Variants in CAMSAP2 observed in about 807,000 individuals in gnomAD.
CAMSAP2 encodes the protein calmodulin-regulated spectrin-associated protein 2.
A neutral mutation model predicts 146.1 loss-of-function variants in CAMSAP2; 26 were observed. That is an observed-to-expected ratio of 0.18 (90% confidence interval 0.13 to 0.25). CAMSAP2 has a LOEUF of 0.25. Among genes scored for constraint, CAMSAP2 ranks in the 10% least tolerant of loss-of-function variants. CAMSAP2 has a pLI of 1.00. For synonymous variants in CAMSAP2, 499 were observed against 596.6 expected, an observed-to-expected ratio of 0.84 and a Z score of 2.38; for missense variants, 1,381 against 1,759.3, an observed-to-expected ratio of 0.78 and a Z score of 3.85.
intron 4 of CAMSAP2, among the ~76,000 whole-genome samples, chr1:200,821,228 G>A (rs1177868724): frequency 6.6e-6 from 1 of 150,894 alleles, no homozygotes; most frequent in Admixed American, 6.6e-5. Context: ...TATTGCCCAG[G>A]CTGGAATGAA....
At chr1:200,749,424 T>C (rs1356061828) in intron 1 of CAMSAP2, among the ~76,000 whole-genome samples, 2 of 142,394 alleles carry the variant, frequency 1.4e-5, no homozygotes, top group African/African-American at 5.4e-5. Context: ...AATATCATGC[T>C]CATGTGTTCA....
At position 200,858,189 on chromosome 1, in the gene CAMSAP2, T is replaced by A; in HGVS notation, c.*130T>A. The A allele has an allele frequency of 1.3e-6, 1 of 776,270 alleles. No individual in the cohort carries two copies. Among genetic ancestry groups the A allele is most frequent in the East Asian group, 2.7e-5 (1 of 37,256 alleles). 48.1% of individuals were successfully genotyped at this position (776,270 alleles called of 1,614,324 possible). A position where few individuals can be genotyped will look rare whatever the true frequency, so the allele number is the denominator to read the frequency against. On this transcript the variant is annotated 3_prime_UTR_variant, in exon 17 of 17. Coordinates refer to ENST00000358823, the MANE Select transcript of CAMSAP2 (RefSeq NM_203459.4). ...AACTGGACATTAAGCTCTGTTGTCA[T>A]GAACAACTGGAATGTAAACCACAGT...
intron 2 of CAMSAP2, among the ~76,000 whole-genome samples, chr1:200,802,850 T>C (rs888974652): frequency 1.3e-5 from 2 of 152,202 alleles, no homozygotes; most frequent in Non-Finnish European, 2.9e-5. Flanking sequence ...TTATTTTTGC[T>C]TAGACTCCAC....
intron 2 of CAMSAP2, among the ~76,000 whole-genome samples, chr1:200,782,852 A>G (rs1383957622): frequency 1.6e-5 from 2 of 128,242 alleles, no homozygotes; most frequent in Non-Finnish European, 3.1e-5. Flanking sequence ...GTACAGTGGC[A>G]GTGGCTTGAT....
intron 4 of CAMSAP2, among the ~76,000 whole-genome samples, chr1:200,821,181 C>CTTTT (rs1004489840): frequency 7.4e-4 from 109 of 148,074 alleles, no homozygotes; most frequent in African/African-American, 2.6e-3. Flanking sequence ...TCTTCTTCTT[C>CTTTT]TTTTTTTTTT....
chr1:200,746,167 A>C (rs1266239081), intron 1 of CAMSAP2, among the ~76,000 whole-genome samples: 1 of 152,238 alleles, frequency 6.6e-6, no homozygotes, highest in African/African-American at 2.4e-5. Context: ...ATATTTTACC[A>C]CAATTTTTAA....
chr1:200,851,031 T>C (rs1260633667), intron 11 of CAMSAP2, among the ~76,000 whole-genome samples: 1 of 152,232 alleles, frequency 6.6e-6, no homozygotes, highest in African/African-American at 2.4e-5. Context: ...TAAAGCCTTT[T>C]ATAATTCCTT....
At position 200,832,193 on chromosome 1, in the gene CAMSAP2, A is replaced by G. The variant is rs1035215738; in HGVS notation, c.646-7A>G. ...ATTTATTTTCATGTATTTTTTTTAT[A>G]TCGTAGGCTCGTTATCGGAAAGAGC... On this transcript the variant is annotated splice_region_variant and splice_polypyrimidine_tract_variant and intron_variant, in intron 4 of 16. Coordinates refer to ENST00000358823, the MANE Select transcript of CAMSAP2 (RefSeq NM_203459.4). This position sits in a 1 kb window ranked among gnomAD's most constrained non-coding sequence, Gnocchi z 4.2. The G allele has an allele frequency of 1.3e-6, 2 of 1,594,164 alleles. No individual in the cohort carries two copies. Among genetic ancestry groups the G allele is most frequent in the Non-Finnish European group, 1.7e-6 (2 of 1,172,668 alleles).
In CAMSAP2 at chr1:200,738,930, G is replaced by A. The variant is rs1664059839; in HGVS notation, c.-898G>A. On this transcript the variant is annotated 5_prime_UTR_variant, in exon 1 of 17. Coordinates refer to ENST00000358823, the MANE Select transcript of CAMSAP2 (RefSeq NM_203459.4). ...TGCTCCTTCATCCAGTGCCGCAGCC[G>A]GAAAACCGCAGCGGCGGCGGCGGCG... is the stretch of plus-strand genomic sequence containing the variant. Among the ~76,000 whole-genome samples, 1 of 144,844 alleles carries A rather than the reference G, an allele frequency of 6.9e-6. No individual in the cohort carries two copies. Among genetic ancestry groups the A allele is most frequent in the African/African-American group, 2.6e-5 (1 of 38,786 alleles).
At chr1:200,789,992 A>C (rs986052536) in intron 2 of CAMSAP2, among the ~76,000 whole-genome samples, 1 of 152,156 alleles carries the variant, frequency 6.6e-6, no homozygotes, top group Admixed American at 6.5e-5. Flanking sequence ...TTGTATGTTA[A>C]CCTTGTATCC....
intron 2 of CAMSAP2, among the ~76,000 whole-genome samples, chr1:200,798,576 A>T (rs1267468058): frequency 1.4e-5 from 2 of 140,888 alleles, no homozygotes; most frequent in African/African-American, 2.7e-5. Context: ...GGCTGAGACG[A>T]TGGGGTTTTC....
chr1:200,848,839 T>C lies in CAMSAP2; in HGVS notation c.2070T>C (p.Ala690=), dbSNP rs1667534266. Residue 690 remains alanine (A), a synonymous_variant, in exon 11 of 17, where the codon GCT becomes GCC. Transcript: ENST00000358823. ...CTGGAGTTAAAATGACCAGCTTTGC[T>C]GAACAAAAATTCAGGAAACTGAATC... is the stretch of plus-strand genomic sequence containing the variant. ...SSSGVKMTSF[A]EQKFRKLNHT... 2 of 1,614,040 alleles carry C rather than the reference T, an allele frequency of 1.2e-6. No homozygotes were observed. Among genetic ancestry groups the C allele is most frequent in the South Asian group, 1.1e-5 (1 of 91,084 alleles).
chr1:200,848,165 A>G lies in CAMSAP2; in HGVS notation c.1396A>G (p.Lys466Glu). 1 of 1,613,888 alleles carries G rather than the reference A, an allele frequency of 6.2e-7. No individual in the cohort carries two copies. Among genetic ancestry groups the G allele is most frequent in the Non-Finnish European group, 8.5e-7 (1 of 1,179,838 alleles). ...TACTCTGAACAACAGTCATGTATCTAAACACATTAGGAAAAATTTGTCCTT... is the reference window on the plus strand; with the variant it reads ...TACTCTGAACAACAGTCATGTATCTGAACACATTAGGAAAAATTTGTCCTT... ...GLTLNNSHVS[K>E]HIRKNLSFKP... Residue 466 changes from lysine to glutamate, a missense_variant, in exon 11 of 17, where the codon AAA becomes GAA. By Grantham distance (56) the Lys-to-Glu change is moderately conservative. Around this residue, in one of 4 missense-constraint regions of CAMSAP2, gnomAD observed 447 missense variants for 462.2 expected, o/e 0.97. Coordinates refer to ENST00000358823, the MANE Select transcript of CAMSAP2 (RefSeq NM_203459.4).
rs961832739 is a variant in CAMSAP2, at chr1:200,849,089, G to T, written c.2320G>T (p.Ala774Ser). 1.7e-5 allele frequency: 27 copies of T among 1,613,992 alleles called. No homozygotes were observed. The highest frequency in any genetic ancestry group is 2.2e-5 in the Non-Finnish European group (26 of 1,180,018). ...IEAQKKKMEA[A>S]FTKQRQKMGR... is the part of the protein sequence containing the mutation. Reference sequence around the variant, plus strand: ...AGCCCAGAAAAAGAAAATGGAAGCTGCTTTTACCAAACAGAGACAGAAAAT... The same window carrying T: ...AGCCCAGAAAAAGAAAATGGAAGCTTCTTTTACCAAACAGAGACAGAAAAT... The change falls in exon 11 of 17, where the codon GCT becomes TCT. Residue 774 changes from alanine to serine, a missense_variant. Ala to Ser is a moderately conservative substitution (Grantham distance 99). Coordinates refer to ENST00000358823, the MANE Select transcript of CAMSAP2 (RefSeq NM_203459.4). This position sits in a 1 kb window ranked among gnomAD's most constrained non-coding sequence, Gnocchi z 6.3.
chr1:200,835,688 A>G (rs1667167906), intron 6 of CAMSAP2, among the ~76,000 whole-genome samples: 4 of 152,214 alleles, frequency 2.6e-5, no homozygotes, highest in Non-Finnish European at 5.9e-5. Flanking sequence ...AATGAAAGGT[A>G]ATATCATTTC....
At position 200,848,418 on chromosome 1, in the gene CAMSAP2, A is replaced by G; in HGVS notation, c.1649A>G (p.His550Arg). 1.2e-6 allele frequency: 2 copies of G among 1,614,016 alleles called. No individual in the cohort carries two copies. Among genetic ancestry groups the G allele is most frequent in the East Asian group, 2.2e-5 (1 of 44,868 alleles). The change falls in exon 11 of 17, where the codon CAT (histidine) becomes CGT (arginine). Residue 550 changes from histidine (H) to arginine (R), a missense_variant. Transcript: ENST00000358823. ...ATTGAAGAAGCATTACAAATAATTC[A>G]TGATACTGAAAAATCTCCTCATACA... The part of the protein sequence containing the change: ...PSIEEALQII[H>R]DTEKSPHTPQ...
At chr1:200,836,879 G>A (rs962209235) in intron 6 of CAMSAP2, among the ~76,000 whole-genome samples, 3 of 151,888 alleles carry the variant, frequency 2.0e-5, no homozygotes, top group Non-Finnish European at 2.9e-5. Flanking sequence ...TGTTGGCCGC[G>A]TGTATGTCTA....
In CAMSAP2 at chr1:200,832,473, A is replaced by G; in HGVS notation, c.787+132A>G. 1.1e-6 allele frequency: 1 copy of G among 904,638 alleles called. No homozygotes were observed. The highest frequency in any genetic ancestry group is 1.6e-6 in the Non-Finnish European group (1 of 636,990). The allele number at this position is 904,638 out of a possible 1,614,324, so 56.0% of individuals were successfully genotyped here. ...CAAAAAAAAGACAATATTATTTAAT[A>G]AGTACTGAAGACTTTTTTTTAAAAA... On this transcript the variant is annotated intron_variant, in intron 5 of 16. Coordinates refer to ENST00000358823, the MANE Select transcript of CAMSAP2 (RefSeq NM_203459.4). The surrounding 1 kb of genome is among the most constrained non-coding windows in gnomAD (Gnocchi z 4.2).
intron 6 of CAMSAP2, among the ~76,000 whole-genome samples, chr1:200,840,652 A>G (rs1166739480): frequency 6.6e-6 from 1 of 152,226 alleles, no homozygotes; most frequent in African/African-American, 2.4e-5. Context: ...AAATATGAGA[A>G]AACCAAGAGA....
Sources: gnomAD v4.1 joint callset for allele counts (sites outside exome capture counted in the v4.1 genomes callset) on GRCh38, gnomAD v4.1.1 for gene constraint, gnomAD v4.1.1 regional missense constraint, Gnocchi (gnomAD v3.1) non-coding constraint, MANE v1.5 for transcripts, NCBI Gene and HGNC (gene_info 2026-07-23, HGNC 2026-07-21) for gene names.